The following NCAM2 variants were observed in gnomAD, a reference collection of about 807,000 sequenced individuals.
NCAM2 encodes neural cell adhesion molecule 2.
A neutral mutation model predicts 98.1 loss-of-function variants in NCAM2; 30 were observed. That is an observed-to-expected ratio of 0.31 (90% CI 0.23 to 0.41). The LOEUF (loss-of-function observed/expected upper bound fraction) is 0.41, where lower values mean the gene tolerates loss of function less well. NCAM2 is among the 10% of genes least tolerant of loss of function. The pLI is 1.00. For synonymous variants in NCAM2, 368 were observed against 342.4 expected (o/e 1.07, Z -0.83); for missense variants, 867 against 1,005.8 (o/e 0.86, Z 1.87).
chr21:21,141,213 A>G (rs969348143), intron 1 of NCAM2, among the ~76,000 whole-genome samples: 3 of 152,200 alleles, frequency 2.0e-5, no homozygotes, highest in African/African-American at 7.2e-5. Context: ...AAGTTGCTAC[A>G]GGTACGTGTA....
chr21:21,047,661 A>G (rs1601196913), intron 1 of NCAM2, among the ~76,000 whole-genome samples: 1 of 152,334 alleles, frequency 6.6e-6, no homozygotes, highest in Admixed American at 6.5e-5. Context: ...TATTGAAAGA[A>G]ATGTAATCAA....
At chr21:21,332,906 A>C (rs543048785) in intron 6 of NCAM2, among the ~76,000 whole-genome samples, 1 of 152,322 alleles carries the variant, frequency 6.6e-6, no homozygotes, top group South Asian at 2.1e-4. Flanking sequence ...TTAAATTGGG[A>C]GCATATAGTT....
intron 14 of NCAM2, among the ~76,000 whole-genome samples, chr21:21,473,300 G>GTATATA (rs143852270): frequency 2.1e-5 from 3 of 143,214 alleles, no homozygotes; most frequent in African/African-American, 7.7e-5. Context: ...TGGTCTATCT[G>GTATATA]TATATATATA....
intron 1 of NCAM2, among the ~76,000 whole-genome samples, chr21:21,235,155 G>T (rs1440097948): frequency 6.6e-6 from 1 of 151,744 alleles, no homozygotes; most frequent in Non-Finnish European, 1.5e-5. Context: ...AAAGTGGGGA[G>T]AGAGTTAACA....
chr21:21,095,066 T>C (rs1408782716), intron 1 of NCAM2, among the ~76,000 whole-genome samples: 2 of 151,762 alleles, frequency 1.3e-5, no homozygotes, highest in Non-Finnish European at 3.0e-5. Context: ...GGTGCTGCTG[T>C]CTTACAGTGT....
chr21:21,178,390 A>C (rs981770364), intron 1 of NCAM2, among the ~76,000 whole-genome samples: 1 of 152,146 alleles, frequency 6.6e-6, no homozygotes, highest in Non-Finnish European at 1.5e-5. Flanking sequence ...TAATCCAAAC[A>C]TTCAGATTTT....
In NCAM2 at chr21:21,265,081, CACAT is replaced by C. The variant is rs1312992058; in HGVS notation, c.56-15495_56-15492del. On this transcript the variant is annotated intron_variant, in intron 1 of 17. Coordinates refer to ENST00000400546, the MANE Select transcript of NCAM2 (RefSeq NM_004540.5). ...ATATGTGTATGTGTATATATATACA[CACAT>C]ATATTATATATACATATATAATATA... Among the ~76,000 whole-genome samples, 137 of 103,388 alleles carry C rather than the reference CACAT, an allele frequency of 1.3e-3. 2 individuals are homozygous for C. The highest frequency in any genetic ancestry group is 4.7e-3 in the African/African-American group (131 of 27,582). The allele number at this position is 103,388 out of a possible 152,430, so 67.8% of individuals were successfully genotyped here. A position where few individuals can be genotyped will look rare whatever the true frequency, so the allele number is the denominator to read the frequency against.
chr21:21,264,941 G>A (rs1286033466), intron 1 of NCAM2, among the ~76,000 whole-genome samples: 1 of 10,462 alleles, frequency 9.6e-5, no homozygotes, highest in African/African-American at 3.2e-4. Context: ...ATATATGTGT[G>A]TGTATATATA....
chr21:21,161,148 G>GA (rs1198319348), intron 1 of NCAM2, among the ~76,000 whole-genome samples: 1 of 151,768 alleles, frequency 6.6e-6, no homozygotes, highest in Non-Finnish European at 1.5e-5. Flanking sequence ...TTAGATCCTT[G>GA]AAAAAATTTA....
At chr21:21,012,059 T>C (rs1246881175) in intron 1 of NCAM2, among the ~76,000 whole-genome samples, 1 of 152,132 alleles carries the variant, frequency 6.6e-6, no homozygotes, top group Non-Finnish European at 1.5e-5. Context: ...TGGCAAATAG[T>C]ATGGAGGTTC....
At chr21:21,521,292 CTCT>C (rs1470356512) in intron 16 of NCAM2, among the ~76,000 whole-genome samples, 3 of 152,138 alleles carry the variant, frequency 2.0e-5, no homozygotes, top group Non-Finnish European at 4.4e-5. Context: ...GGATGATAGT[CTCT>C]TCTTCTGCCC....
chr21:21,435,061 C>A (rs2077438426), intron 12 of NCAM2, among the ~76,000 whole-genome samples: 1 of 152,100 alleles, frequency 6.6e-6, no homozygotes, highest in Admixed American at 6.6e-5. Context: ...ACAGAATATT[C>A]ATCATGGGGT....
chr21:21,411,046 A>ATATATG (rs1555889830), intron 10 of NCAM2, among the ~76,000 whole-genome samples: 1 of 48,752 alleles, frequency 2.1e-5, no homozygotes, highest in Non-Finnish European at 3.8e-5. Flanking sequence ...ACATATATAT[A>ATATATG]TGTGTGTGTA....
chr21:21,530,721 A>G (rs1281727090), intron 16 of NCAM2, among the ~76,000 whole-genome samples: 1 of 151,936 alleles, frequency 6.6e-6, no homozygotes, highest in Non-Finnish European at 1.5e-5. Context: ...TGTTAGATAT[A>G]ATAAAGTATT....
chr21:21,178,788 A>T (rs2068378684), intron 1 of NCAM2, among the ~76,000 whole-genome samples: 1 of 151,876 alleles, frequency 6.6e-6, no homozygotes. Context: ...TATATTTTTA[A>T]TATTTATTTT....
At chr21:21,343,358 T>TACACACACACACACACACACACAC (rs71195322) in intron 8 of NCAM2, among the ~76,000 whole-genome samples, 4 of 120,798 alleles carry the variant, frequency 3.3e-5, no homozygotes, top group African/African-American at 8.9e-5. Flanking sequence ...TCTATACACA[T>TACACACACACACACACACACACAC]ACACACACAC....
At chr21:21,422,920 T>G (rs2077139509) in intron 11 of NCAM2, among the ~76,000 whole-genome samples, 1 of 152,150 alleles carries the variant, frequency 6.6e-6, no homozygotes, top group Non-Finnish European at 1.5e-5. Flanking sequence ...TTCCTTACAA[T>G]TTTCTACTTC....
At chr21:21,268,261 C>A (rs759879352) in intron 1 of NCAM2, among the ~76,000 whole-genome samples, 4 of 152,154 alleles carry the variant, frequency 2.6e-5, no homozygotes, top group Non-Finnish European at 5.9e-5. Context: ...AGTCACTTAT[C>A]TCTCACGGAG....
chr21:21,151,212 A>T (rs1205452779), intron 1 of NCAM2, among the ~76,000 whole-genome samples: 1 of 152,012 alleles, frequency 6.6e-6, no homozygotes, highest in Admixed American at 6.6e-5. Context: ...ATTTAGTCAT[A>T]TTACACTTTA....
Sources: gnomAD v4.1 joint callset for allele counts (sites outside exome capture counted in the v4.1 genomes callset) on GRCh38, gnomAD v4.1.1 for gene constraint, MANE v1.5 for transcripts, NCBI Gene and HGNC (gene_info 2026-07-23, HGNC 2026-07-21) for gene names.